Variants in SPATA13 observed in about 807,000 individuals in gnomAD.
The protein encoded by SPATA13 is spermatogenesis-associated protein 13.
In SPATA13, 50 loss-of-function variants were observed where a neutral mutation model predicts 104.0. The observed-to-expected ratio is 0.48, with a 90% CI of 0.38 to 0.61. The LOEUF is 0.61. Ranked by LOEUF, SPATA13 falls within the 20% of genes least tolerant of loss-of-function variation. SPATA13 has a pLI of 0.00. For missense variants in SPATA13, 1,524 were observed against 1,690.6 expected, an observed-to-expected ratio of 0.90 and a Z score of 1.73; for synonymous variants, 606 against 667.5, an observed-to-expected ratio of 0.91 and a Z score of 1.42.
chr13:23,998,420 G>A (rs1875795029), intron 2 of SPATA13, among the ~76,000 whole-genome samples: 1 of 152,006 alleles, frequency 6.6e-6, no homozygotes, highest in South Asian at 2.1e-4. Flanking sequence ...TTATCAGGTT[G>A]TTTTCATGTT....
intron 2 of SPATA13, among the ~76,000 whole-genome samples, chr13:24,235,563 C>T (rs112042441): frequency 0.011 from 1,676 of 152,218 alleles, 25 homozygotes; most frequent in African/African-American, 0.038. Context: ...AGCTCGAGAC[C>T]AGCCTGGACA....
intron 3 of SPATA13, among the ~76,000 whole-genome samples, chr13:24,074,882 T>A (rs1398877907): frequency 1.3e-5 from 2 of 152,166 alleles, no homozygotes; most frequent in East Asian, 3.8e-4. Flanking sequence ...GAAAGGGAAG[T>A]AAGGCACAGA....
rs1437095152 is a variant in SPATA13, at chr13:24,139,695, T to G, written c.-111-83124T>G. ...GTAAGTTAGGAAGGTGCTCTGGGTT[T>G]ATTTCTCGCCATGGCACTGCTTAGC... On this transcript the variant is annotated intron_variant, in intron 3 of 14. Coordinates refer to the SPATA13 transcript ENST00000424834. Among the ~76,000 whole-genome samples the G allele has an allele frequency of 3.9e-5, 6 of 152,194 alleles. 1 individual carries two copies. The highest frequency in any genetic ancestry group is 9.6e-5 in the African/African-American group (4 of 41,454).
intron 4 of SPATA13, among the ~76,000 whole-genome samples, chr13:24,282,230 A>G (rs932082139): frequency 2.0e-5 from 3 of 152,166 alleles, no homozygotes; most frequent in African/African-American, 7.2e-5. Context: ...CAGTGCAGGT[A>G]AGATGAACTG....
At chr13:24,113,543 T>C (rs1880717890) in intron 3 of SPATA13, among the ~76,000 whole-genome samples, 1 of 150,128 alleles carries the variant, frequency 6.7e-6, no homozygotes, top group African/African-American at 2.5e-5. Flanking sequence ...AGAAAGCTAC[T>C]TCTGTAAAAC....
intron 3 of SPATA13, among the ~76,000 whole-genome samples, chr13:24,128,751 A>C (rs940434683): frequency 2.9e-5 from 4 of 139,728 alleles, no homozygotes; most frequent in South Asian, 2.4e-4. Flanking sequence ...AAAAAAAAAA[A>C]CTGCTTACTT....
At chr13:23,996,826 G>C (rs1398353993) in intron 2 of SPATA13, among the ~76,000 whole-genome samples, 1 of 152,120 alleles carries the variant, frequency 6.6e-6, no homozygotes, top group African/African-American at 2.4e-5. Context: ...GCCAGCAGTC[G>C]CCTCCCTCTG....
rs138140758 is a variant in SPATA13, at chr13:24,260,086, C to A, written c.2164+8224C>A. On this transcript the variant is annotated intron_variant, in intron 4 of 12. Coordinates refer to ENST00000382108, the MANE Select transcript of SPATA13 (RefSeq NM_001166271.3). ...GAAGCTAGAGAGTGTTCCTACAGAG[C>A]TGCCAGTGTGGTGGATGAATGGGAA... Among the ~76,000 whole-genome samples, 426 of 152,304 alleles carry A rather than the reference C, an allele frequency of 2.8e-3. 4 individuals are homozygous for A. The highest frequency in any genetic ancestry group is 9.9e-3 in the African/African-American group (411 of 41,570).
At chr13:24,190,310 T>G (rs61946659) in intron 1 of SPATA13, among the ~76,000 whole-genome samples, 2 of 8,736 alleles carry the variant, frequency 2.3e-4, no homozygotes, top group African/African-American at 2.6e-4. Context: ...TTATTATATA[T>G]AATATATAAT....
rs74039560 is a variant in SPATA13, at chr13:24,000,968, A to G, written c.-146-16699A>G. Among the ~76,000 whole-genome samples the G allele has an allele frequency of 9.7e-3, 1,472 of 152,208 alleles. 21 individuals are homozygous for G. The highest frequency in any genetic ancestry group is 0.034 in the African/African-American group (1,391 of 41,522). On this transcript the variant is annotated intron_variant, in intron 2 of 14. Coordinates refer to the SPATA13 transcript ENST00000424834. Reference sequence around the variant, plus strand: ...AGTGTTTACTTCCTAGGCTGCTGTAACATAGCACCACTGTTTTTCAGCTTC... The same window carrying G: ...AGTGTTTACTTCCTAGGCTGCTGTAGCATAGCACCACTGTTTTTCAGCTTC...
chr13:24,287,389 A>G (rs917041298), intron 7 of SPATA13, among the ~76,000 whole-genome samples: 5 of 152,222 alleles, frequency 3.3e-5, no homozygotes, highest in Non-Finnish European at 7.3e-5. Context: ...TCACGAACTC[A>G]TGGACTGAAG....
At chr13:24,106,227 CT>C (rs2137807433) in intron 3 of SPATA13, among the ~76,000 whole-genome samples, 1 of 152,218 alleles carries the variant, frequency 6.6e-6, no homozygotes, top group East Asian at 1.9e-4. Context: ...ACAGACAGGG[CT>C]TCTCTGTGTT....
chr13:24,271,620 C>T (rs1874618730), intron 4 of SPATA13, among the ~76,000 whole-genome samples: 1 of 152,210 alleles, frequency 6.6e-6, no homozygotes, highest in Non-Finnish European at 1.5e-5. Context: ...CTAATCCTCA[C>T]ATTCTGAAAA....
rs189669215 is a variant in SPATA13, at chr13:24,184,081, C to T, written c.-112+23149C>T. Among the ~76,000 whole-genome samples the T allele has an allele frequency of 1.0e-3, 155 of 152,186 alleles. 3 individuals are homozygous for T. Among genetic ancestry groups the T allele is most frequent in the Admixed American group, 8.5e-4 (13 of 15,288 alleles). The stretch of plus-strand genomic sequence containing the variant: ...CAGTCTTGAGAAGTGTGGAGGAGAG[C>T]GCCAAGGGACAGTAACAGAGCTATG... On this transcript the variant is annotated intron_variant, in intron 1 of 12. Transcript: ENST00000382108.
intron 3 of SPATA13, among the ~76,000 whole-genome samples, chr13:24,027,379 C>G (rs1013572909): frequency 6.6e-6 from 1 of 150,828 alleles, no homozygotes; most frequent in Non-Finnish European, 1.5e-5. Context: ...ATGATCCACC[C>G]GCCTCGGCCT....
At chr13:24,275,304 G>A (rs1566185481) in intron 4 of SPATA13, among the ~76,000 whole-genome samples, 2 of 152,184 alleles carry the variant, frequency 1.3e-5, no homozygotes, top group East Asian at 3.9e-4. Flanking sequence ...GGAATCAGGG[G>A]CCCCCAGAGG....
At chr13:24,090,432 G>T (rs967653832) in intron 3 of SPATA13, among the ~76,000 whole-genome samples, 1 of 152,126 alleles carries the variant, frequency 6.6e-6, no homozygotes, top group Admixed American at 6.6e-5. Flanking sequence ...ACCATCTAAG[G>T]TTAACTATCT....
chr13:24,123,499 G>T (rs751856313), intron 3 of SPATA13: 7 of 1,607,336 alleles, frequency 4.4e-6, no homozygotes, highest in African/African-American at 1.3e-5. Context: ...CCAATCATAT[G>T]CAGGGCTCCA....
intron 2 of SPATA13, among the ~76,000 whole-genome samples, chr13:23,995,282 A>C (rs1404064304): frequency 6.6e-6 from 1 of 152,246 alleles, no homozygotes; most frequent in African/African-American, 2.4e-5. Flanking sequence ...TGATCTTTGA[A>C]CACAGGTAAA....
Sources: gnomAD v4.1 joint callset for allele counts (sites outside exome capture counted in the v4.1 genomes callset) on GRCh38, gnomAD v4.1.1 for gene constraint, MANE v1.5 for transcripts, NCBI Gene and HGNC (gene_info 2026-07-23, HGNC 2026-07-21) for gene names.